Variants in NEBL observed in about 807,000 individuals in gnomAD.
NEBL encodes LIM and SH3 protein 2.
A neutral mutation model predicts 140.2 loss-of-function variants in NEBL; 122 were observed. The ratio of observed to expected loss-of-function variants is 0.87; its 90% CI spans 0.75 to 1.01. The LOEUF (loss-of-function observed/expected upper bound fraction) is 1.01. Among genes scored for constraint, NEBL ranks in the 50% least tolerant of loss-of-function variants. The pLI is 0.00. For missense variants in NEBL, 1,365 were observed against 1,231.3 expected, an observed-to-expected ratio of 1.11 and a Z score of -1.62; for synonymous variants, 436 against 398.9, an observed-to-expected ratio of 1.09 and a Z score of -1.11.
chr10:21,189,467 G>GT (rs372522470), intron 3 of NEBL, among the ~76,000 whole-genome samples: 5 of 151,920 alleles, frequency 3.3e-5, no homozygotes, highest in African/African-American at 1.2e-4. Flanking sequence ...TTTGGTTTTG[G>GT]TTTTTTTATT....
chr10:20,795,200 C>T (rs1259307048), intron 26 of NEBL, among the ~76,000 whole-genome samples: 1 of 152,008 alleles, frequency 6.6e-6, no homozygotes, highest in African/African-American at 2.4e-5. Context: ...GAAAAGGAGG[C>T]GGTCAACCCT....
intron 3 of NEBL, among the ~76,000 whole-genome samples, chr10:21,212,360 A>G (rs1043766336): frequency 6.6e-6 from 1 of 152,158 alleles, no homozygotes; most frequent in African/African-American, 2.4e-5. Context: ...AGATTTCCCA[A>G]TTAGTGCAAT....
At chr10:20,855,922 TA>T (rs1235514841) in intron 9 of NEBL, among the ~76,000 whole-genome samples, 1 of 152,218 alleles carries the variant, frequency 6.6e-6, no homozygotes, top group Non-Finnish European at 1.5e-5. Flanking sequence ...TTTTAATTTA[TA>T]AATCAACACA....
At chr10:21,115,539 T>C (rs117597682) in intron 2 of NEBL, among the ~76,000 whole-genome samples, 1,975 of 152,200 alleles carry the variant, frequency 0.013, 28 homozygotes, top group Non-Finnish European at 0.021. Flanking sequence ...GGTGAGAGTT[T>C]TTTTTCTTTC....
At chr10:21,138,436 T>C (rs1219910684) in intron 2 of NEBL, among the ~76,000 whole-genome samples, 1 of 151,990 alleles carries the variant, frequency 6.6e-6, no homozygotes, top group Non-Finnish European at 1.5e-5. Context: ...GCCTCTACCA[T>C]GATTACAAGC....
intron 3 of NEBL, among the ~76,000 whole-genome samples, chr10:21,246,451 A>T (rs1842517668): frequency 6.6e-6 from 1 of 152,226 alleles, no homozygotes; most frequent in Admixed American, 6.5e-5. Context: ...AAAAACTGAA[A>T]ACCACTCAAA....
intron 14 of NEBL, among the ~76,000 whole-genome samples, chr10:20,834,441 C>T (rs764447160): frequency 6.6e-6 from 1 of 152,202 alleles, no homozygotes; most frequent in Non-Finnish European, 1.5e-5. Flanking sequence ...GAAACCTATA[C>T]CATCTCCACT....
chr10:20,994,250 C>T (rs1252921258), intron 3 of NEBL, among the ~76,000 whole-genome samples: 1 of 152,204 alleles, frequency 6.6e-6, no homozygotes, highest in East Asian at 1.9e-4. Flanking sequence ...TCTCTTTAGT[C>T]TCTCCATGTG....
intron 2 of NEBL, among the ~76,000 whole-genome samples, chr10:21,081,136 T>G (rs565337819): frequency 3.5e-4 from 53 of 152,224 alleles, no homozygotes; most frequent in Non-Finnish European, 6.8e-4. Flanking sequence ...AATACAGGCA[T>G]GAGCCACCAC....
At chr10:20,954,314 A>G (rs1050767854) in intron 4 of NEBL, among the ~76,000 whole-genome samples, 2 of 152,216 alleles carry the variant, frequency 1.3e-5, no homozygotes, top group Non-Finnish European at 2.9e-5. Flanking sequence ...ATATTTGTTG[A>G]CACAAATGGT....
intron 21 of NEBL, among the ~76,000 whole-genome samples, chr10:20,816,817 C>T (rs1278516326): frequency 6.6e-6 from 1 of 152,118 alleles, no homozygotes; most frequent in Non-Finnish European, 1.5e-5. Flanking sequence ...TATTAAGTGC[C>T]CCCAAAATGG....
At position 20,813,958 on chromosome 10, in the gene NEBL, G is replaced by T; in HGVS notation, c.2327C>A (p.Ala776Glu). The T allele has an allele frequency of 6.2e-7, 1 of 1,600,466 alleles. No homozygotes were observed. Among genetic ancestry groups the T allele is most frequent in the Non-Finnish European group, 8.6e-7 (1 of 1,167,690 alleles). Residue 776 changes from alanine to glutamate, a missense_variant, in exon 23 of 28, where the codon GCA becomes GAA. By Grantham distance (107) the Ala-to-Glu change is moderately radical. Coordinates refer to ENST00000377122, the MANE Select transcript of NEBL (RefSeq NM_006393.3). ...CCCTACCATTGAAATATGATTTTGTGCTTCTTTAACATGTCTCATAGCAGG... is the reference window on the plus strand; with the variant it reads ...CCCTACCATTGAAATATGATTTTGTTCTTCTTTAACATGTCTCATAGCAGG... Reference protein sequence around the residue: ...DTPAMRHVKEAQNHISMVKYH... With the variant: ...DTPAMRHVKEEQNHISMVKYH...
intron 2 of NEBL, chr10:21,029,710 T>C: frequency 5.4e-6 from 5 of 920,960 alleles, no homozygotes. Flanking sequence ...CCGTGGGTAT[T>C]GGTATGAGTA....
chr10:20,997,754 A>G (rs1417137947), intron 3 of NEBL, among the ~76,000 whole-genome samples: 7 of 152,148 alleles, frequency 4.6e-5, no homozygotes, highest in Non-Finnish European at 7.3e-5. Flanking sequence ...TAGTATAGCA[A>G]TAACTGAAAA....
chr10:20,982,157 C>G (rs11012453), intron 3 of NEBL, among the ~76,000 whole-genome samples: 1 of 152,068 alleles, frequency 6.6e-6, no homozygotes, highest in Non-Finnish European at 1.5e-5. Flanking sequence ...TCCTAAACAG[C>G]GGGTACTCAA....
intron 3 of NEBL, among the ~76,000 whole-genome samples, chr10:21,203,154 T>G (rs1343478663): frequency 6.6e-6 from 1 of 152,242 alleles, no homozygotes; most frequent in Non-Finnish European, 1.5e-5. Flanking sequence ...CAGCCTTTAT[T>G]AATATGCTGC....
chr10:20,984,916 G>A (rs1022407426), intron 3 of NEBL, among the ~76,000 whole-genome samples: 2 of 152,084 alleles, frequency 1.3e-5, no homozygotes, highest in African/African-American at 2.4e-5. Context: ...ATAGGAGCAC[G>A]AACCCTATTG....
chr10:20,798,003 T>C (rs541298882), intron 26 of NEBL, among the ~76,000 whole-genome samples: 13 of 151,886 alleles, frequency 8.6e-5, no homozygotes, highest in African/African-American at 3.1e-4. Flanking sequence ...TTCCAGAGGC[T>C]GAGGCAGGAG....
chr10:20,982,338 A>G (rs181280346), intron 3 of NEBL, among the ~76,000 whole-genome samples: 2 of 152,232 alleles, frequency 1.3e-5, no homozygotes, highest in South Asian at 2.1e-4. Context: ...AATTTTAAAA[A>G]GTCTCAATTT....
Sources: gnomAD v4.1 joint callset for allele counts (sites outside exome capture counted in the v4.1 genomes callset) on GRCh38, gnomAD v4.1.1 for gene constraint, MANE v1.5 for transcripts, NCBI Gene and HGNC (gene_info 2026-07-23, HGNC 2026-07-21) for gene names.